The following SEPSECS variants were observed in gnomAD, a reference collection of about 807,000 sequenced individuals.
SEPSECS encodes the protein O-phosphoseryl-tRNA(Sec) selenium transferase.
A neutral mutation model predicts 52.1 loss-of-function variants in SEPSECS; 42 were observed. The ratio of observed to expected loss-of-function variants is 0.81; its 90% CI spans 0.63 to 1.04. SEPSECS has a LOEUF of 1.04. SEPSECS is among the 50% of genes least tolerant of loss of function. The pLI, the probability that SEPSECS is intolerant of heterozygous loss-of-function variation, is 0.00. For missense variants in SEPSECS, 590 were observed against 610.6 expected (o/e 0.97, Z 0.36); for synonymous variants, 216 against 211.4 (o/e 1.02, Z -0.19).
rs1164564988 is a variant in SEPSECS, at chr4:25,123,849, C to T, written c.*82G>A. On this transcript the variant is annotated 3_prime_UTR_variant, in exon 11 of 11. Coordinates refer to ENST00000382103, the MANE Select transcript of SEPSECS (RefSeq NM_016955.4). Reference sequence around the variant, plus strand: ...CCCATGAAATTCTCAATTCAAAAATCTCAAGTCTTATCTTTAAACTGCTTG... The same window carrying T: ...CCCATGAAATTCTCAATTCAAAAATTTCAAGTCTTATCTTTAAACTGCTTG... 5.5e-6 allele frequency: 7 copies of T among 1,261,776 alleles called. No homozygotes were observed. Among genetic ancestry groups the T allele is most frequent in the Non-Finnish European group, 6.9e-6 (6 of 867,466 alleles). The allele number at this position is 1,261,776 out of a possible 1,614,324, so 78.2% of individuals were successfully genotyped here.
chr4:25,150,591 T>C (rs1398641676), intron 6 of SEPSECS, among the ~76,000 whole-genome samples: 1 of 151,684 alleles, frequency 6.6e-6, no homozygotes, highest in Non-Finnish European at 1.5e-5. Context: ...AAAAAAACAC[T>C]GCCTATTAAC....
intron 8 of SEPSECS, among the ~76,000 whole-genome samples, chr4:25,140,706 A>G (rs1729026131): frequency 6.6e-6 from 1 of 152,238 alleles, no homozygotes; most frequent in South Asian, 2.1e-4. Flanking sequence ...TGGTATTTGT[A>G]TAAACACAAA....
upstream of SEPSECS, chr4:25,160,511 A>AAC (rs932975007): frequency 3.6e-5 from 24 of 666,254 alleles, no homozygotes; most frequent in African/African-American, 3.7e-4. Flanking sequence ...AACAAAACAA[A>AAC]AAAAACACTT....
Position 25,159,125 on chromosome 4 carries a change from ACTTATGATTATATTT to A in SEPSECS, c.115-33_115-19del. ...CACTTGCCCTTAAAAAAAAAAAAAA[ACTTATGATTATATTT>A]AATAAAACTACCGTTCTCTAGAATA... On this transcript the variant is annotated intron_variant, in intron 1 of 10. Transcript: ENST00000382103. 3 of 1,506,772 alleles carry A rather than the reference ACTTATGATTATATTT, an allele frequency of 2.0e-6. No homozygotes were observed. Among genetic ancestry groups the A allele is most frequent in the African/African-American group, 1.4e-5 (1 of 69,464 alleles). The allele number at this position is 1,506,772 out of a possible 1,614,324, so 93.3% of individuals were successfully genotyped here.
Position 25,124,195 on chromosome 4 carries a change from CA to C in SEPSECS, c.1241del (p.Val414GlyfsTer29). 6.2e-7 allele frequency: 1 copy of C among 1,613,428 alleles called. No homozygotes were observed. The highest frequency in any genetic ancestry group is 1.3e-5 in the African/African-American group (1 of 74,984). On this transcript the variant is annotated frameshift_variant, in exon 11 of 11. Coordinates refer to ENST00000382103, the MANE Select transcript of SEPSECS (RefSeq NM_016955.4). LOFTEE classifies it high-confidence loss of function. Reference protein sequence around the residue: ...RVVPLGSMQTVSGYTFRGFMS... With the variant: ...RVVPLGSMQTXSGYTFRGFMS... ...TAAAGCCTCTGAAAGTATAGCCACT[CA>C]CAGTTTGCATGGACCCAAGAGGCAC... is the stretch of plus-strand genomic sequence containing the variant.
Position 25,145,132 on chromosome 4 carries a change from C to T in SEPSECS, c.806G>A (p.Gly269Glu). The change falls in exon 7 of 11, where the codon GGG becomes GAG. Residue 269 changes from glycine to glutamate, a missense_variant and splice_region_variant. Gly to Glu is a moderately conservative substitution (Grantham distance 98). Transcript: ENST00000382103. ...SSKCMHLIQQ[G>E]ARVGRIDAFV... The stretch of plus-strand genomic sequence containing the variant: ...AGCATCTATTCTACCAACTCGAGCC[C>T]CCTGGAATCAATATGATATTACATA... 6.2e-7 allele frequency: 1 copy of T among 1,613,712 alleles called. No homozygotes were observed. The highest frequency in any genetic ancestry group is 8.5e-7 in the Non-Finnish European group (1 of 1,179,860).
chr4:25,120,762 T>C lies in SEPSECS; in HGVS notation c.*3169A>G, dbSNP rs1192563529. The C allele has an allele frequency of 6.6e-6, 1 of 152,202 alleles. No homozygotes were observed. The highest frequency in any genetic ancestry group is 6.5e-5 in the Admixed American group (1 of 15,268). 9.4% of individuals were successfully genotyped at this position (152,202 alleles called of 1,614,324 possible). A position where few individuals can be genotyped will look rare whatever the true frequency, so the allele number is the denominator to read the frequency against. On this transcript the variant is annotated 3_prime_UTR_variant, in exon 11 of 11. Transcript: ENST00000382103. ...AACTTTCTCCGAGTATGAGTCAGACTCACCAGAGCTTTATTATTGTTGTTT... is the reference window on the plus strand; with the variant it reads ...AACTTTCTCCGAGTATGAGTCAGACCCACCAGAGCTTTATTATTGTTGTTT...
rs1256633399 is a variant in SEPSECS at position 25,120,295 on chromosome 4, G to A, written c.*3636C>T. ...GCCTTAGCTTTAACTGCAGAGTAGT[G>A]AGTAGGAAATTACAAACATATATTC... On this transcript the variant is annotated 3_prime_UTR_variant, in exon 11 of 11. Coordinates refer to ENST00000382103, the MANE Select transcript of SEPSECS (RefSeq NM_016955.4). 6.6e-6 allele frequency: 1 copy of A among 152,092 alleles called. No individual in the cohort carries two copies. Among genetic ancestry groups the A allele is most frequent in the Non-Finnish European group, 1.5e-5 (1 of 68,000 alleles). 9.4% of individuals were successfully genotyped at this position (152,092 alleles called of 1,614,324 possible).
At chr4:25,159,581 G>A (rs1230267742) in intron 1 of SEPSECS, 2 of 411,924 alleles carry the variant, frequency 4.9e-6, no homozygotes, top group East Asian at 9.3e-5. Context: ...AGATCAGCCT[G>A]GCCAACATGG....
At chr4:25,151,805 T>C (rs1385939368) in intron 6 of SEPSECS, among the ~76,000 whole-genome samples, 155 bp downstream of exon 6, 1 of 152,136 alleles carries the variant, frequency 6.6e-6, no homozygotes, top group Non-Finnish European at 1.5e-5. Context: ...ATGACTTTTA[T>C]TGAGAGATTA....
intron 8 of SEPSECS, among the ~76,000 whole-genome samples, chr4:25,128,708 T>C (rs1391069137): frequency 2.0e-5 from 3 of 152,028 alleles, no homozygotes; most frequent in African/African-American, 7.2e-5. Flanking sequence ...CATCTGCAGC[T>C]AAACAAACCC....
chr4:25,137,653 T>C (rs1413609863), intron 8 of SEPSECS, among the ~76,000 whole-genome samples: 4 of 152,168 alleles, frequency 2.6e-5, no homozygotes, highest in African/African-American at 9.7e-5. Context: ...TGGAAAACAG[T>C]GTGGGGATTC....
intron 6 of SEPSECS, among the ~76,000 whole-genome samples, chr4:25,150,709 G>A (rs1053006715): frequency 6.6e-6 from 1 of 152,154 alleles, no homozygotes; most frequent in Non-Finnish European, 1.5e-5. Context: ...AAGAAGGATA[G>A]AAAATGCTAG....
At chr4:25,155,177 A>G in intron 4 of SEPSECS, 26 bp from the exon 5 acceptor site, 1 of 1,613,214 alleles carries the variant, frequency 6.2e-7, no homozygotes, top group Non-Finnish European at 8.5e-7. Flanking sequence ...AGAAAACAAA[A>G]TGTTAGTGTG....
chr4:25,154,942 T>C, intron 5 of SEPSECS, 56 bp downstream of exon 5: 2 of 1,517,986 alleles, frequency 1.3e-6, no homozygotes, highest in Non-Finnish European at 1.8e-6. Context: ...AGAATTAGTA[T>C]ATTTTATTTA....
At chr4:25,145,207 C>A in intron 6 of SEPSECS, 74 bp from the exon 7 acceptor site, 1 of 1,460,448 alleles carries the variant, frequency 6.8e-7, no homozygotes, top group Admixed American at 1.7e-5. Flanking sequence ...AATACCACAA[C>A]AAAAAATTAT....
chr4:25,154,582 A>G (rs1712503357), intron 5 of SEPSECS, among the ~76,000 whole-genome samples: 1 of 152,186 alleles, frequency 6.6e-6, no homozygotes, highest in African/African-American at 2.4e-5. Context: ...TAATCTTCCA[A>G]TTACAGAAAT....
chr4:25,120,640 C>A lies in SEPSECS; in HGVS notation c.*3291G>T, dbSNP rs1306816167. The A allele has an allele frequency of 6.6e-6, 1 of 152,048 alleles. No individual in the cohort carries two copies. Among genetic ancestry groups the A allele is most frequent in the Non-Finnish European group, 1.5e-5 (1 of 67,946 alleles). 9.4% of individuals were successfully genotyped at this position (152,048 alleles called of 1,614,324 possible). A position where few individuals can be genotyped will look rare whatever the true frequency, so the allele number is the denominator to read the frequency against. ...TTGGCCTCAAAAATGCAAAACATAA[C>A]AAAATCATTTAAGGGTCTGGCAGAG... On this transcript the variant is annotated 3_prime_UTR_variant, in exon 11 of 11. Coordinates refer to ENST00000382103, the MANE Select transcript of SEPSECS (RefSeq NM_016955.4).
rs149819105 is a variant in SEPSECS at position 25,122,960 on chromosome 4, T to G, written c.*971A>C. 9.9e-5 allele frequency: 15 copies of G among 152,222 alleles called. No individual in the cohort carries two copies. Among genetic ancestry groups the G allele is most frequent in the African/African-American group, 3.6e-4 (15 of 41,526 alleles). 9.4% of individuals were successfully genotyped at this position (152,222 alleles called of 1,614,324 possible). Reference sequence around the variant, plus strand: ...TTTGATGATGTCTGTGCACAACATCTGAACAAACTAACCAATATATGCAGG... The same window carrying G: ...TTTGATGATGTCTGTGCACAACATCGGAACAAACTAACCAATATATGCAGG... On this transcript the variant is annotated 3_prime_UTR_variant, in exon 11 of 11. Transcript: ENST00000382103.
Sources: allele counts gnomAD v4.1 joint callset (sites outside exome capture counted in the v4.1 genomes callset), GRCh38; gene constraint gnomAD v4.1.1; transcripts MANE v1.5; gene names NCBI Gene and HGNC (gene_info 2026-07-23, HGNC 2026-07-21).